Variants in CLIC2 observed in about 807,000 individuals in gnomAD.
CLIC2 encodes CLIC family member 2.
CLIC2 carries 9 observed loss-of-function variants against 14.8 expected under a neutral mutation model. That is an observed-to-expected ratio of 0.61 (90% CI 0.37 to 1.06). The LOEUF (loss-of-function observed/expected upper bound fraction) is 1.06. Ranked by LOEUF, CLIC2 falls within the 50% of genes least tolerant of loss-of-function variation. The probability of loss-of-function intolerance (pLI) is 0.01; values close to 1 mark genes in which losing one functional copy is unlikely to be tolerated. For missense variants in CLIC2, 148 were observed against 181.4 expected, an observed-to-expected ratio of 0.82 and a Z score of 1.06; for synonymous variants, 61 against 66.3, an observed-to-expected ratio of 0.92 and a Z score of 0.39.
At position 155,298,864 on chromosome X, in the gene CLIC2, A is replaced by G. The variant is rs1557318651; in HGVS notation, c.214T>C (p.Phe72Leu). The change falls in exon 3 of 6, where the codon TTC becomes CTC. Residue 72 changes from phenylalanine to leucine, a missense_variant. By Grantham distance (22) the Phe-to-Leu change is conservative. Coordinates refer to ENST00000369449, the MANE Select transcript of CLIC2 (RefSeq NM_001289.6). Reference protein sequence around the residue: ...KDLAPGTNPPFLVYNKELKTD... With the variant: ...KDLAPGTNPPLLVYNKELKTD... ...TTCAACTCCTTGTTATACACCAGGAACGGAGGATTGGTACCTGGGGCTAAG... is the reference window on the plus strand; with the variant it reads ...TTCAACTCCTTGTTATACACCAGGAGCGGAGGATTGGTACCTGGGGCTAAG... 1 of 1,207,858 alleles carries G rather than the reference A, an allele frequency of 8.3e-7. No homozygotes were observed. Among genetic ancestry groups the G allele is most frequent in the East Asian group, 3.0e-5 (1 of 33,836 alleles).
At chrX:155,309,568 TCA>T (rs1557320336) in intron 1 of CLIC2, 6 of 283,681 alleles carry the variant, frequency 2.1e-5, no homozygotes, top group Non-Finnish European at 2.0e-5. Context: ...TTTAATGGAC[TCA>T]CAGTTCCACG....
chrX:155,314,401 T>C (rs1292230239), intron 1 of CLIC2, among the ~76,000 whole-genome samples: 1 of 112,302 alleles, frequency 8.9e-6, no homozygotes, highest in Non-Finnish European at 1.9e-5. Flanking sequence ...ATGGGTCATA[T>C]CACAGGACTC....
In CLIC2 at chrX:155,280,990, G is replaced by GATATATATATATATATATAT. The variant is rs373277985; in HGVS notation, c.294-942_294-923dup. 5.1e-3 allele frequency among the ~76,000 whole-genome samples: 458 copies of GATATATATATATATATATAT among 89,741 alleles called. 5 individuals carry two copies. Among genetic ancestry groups the GATATATATATATATATATAT allele is most frequent in the African/African-American group, 0.016 (378 of 24,233 alleles). The allele number at this position is 89,741 out of a possible 115,157, so 77.9% of individuals were successfully genotyped here. A position where few individuals can be genotyped will look rare whatever the true frequency, so the allele number is the denominator to read the frequency against. On this transcript the variant is annotated intron_variant, in intron 3 of 5. Coordinates refer to ENST00000369449, the MANE Select transcript of CLIC2 (RefSeq NM_001289.6). ...AGATGAATGGATATAGAAATTGTGA[G>GATATATATATATATATATAT]ATATATATATATATATATATATATG...
At chrX:155,311,199 C>T (rs933139561) in intron 1 of CLIC2, among the ~76,000 whole-genome samples, 6 of 112,135 alleles carry the variant, frequency 5.4e-5, no homozygotes, top group Non-Finnish European at 9.4e-5. Context: ...TTCTATCACA[C>T]TGTCAGGCTG....
chrX:155,292,865 T>A, intron 3 of CLIC2: 1 of 1,053,511 alleles, frequency 9.5e-7, no homozygotes. Context: ...GAAGAGCTTA[T>A]TTTGACTTGC....
At position 155,277,902 on chromosome X, in the gene CLIC2, C is replaced by T. The variant is rs782331065; in HGVS notation, c.*1G>A. 8.3e-7 allele frequency: 1 copy of T among 1,203,798 alleles called. No homozygotes were observed. Among genetic ancestry groups the T allele is most frequent in the South Asian group, 1.8e-5 (1 of 56,753 alleles). ...TAGCCTTGTCTCCTGTAAGAGCTCT[C>T]CTAACTCTTCTGTTTAGCCACATTT... On this transcript the variant is annotated 3_prime_UTR_variant, in exon 6 of 6. Coordinates refer to ENST00000369449, the MANE Select transcript of CLIC2 (RefSeq NM_001289.6).
chrX:155,279,994 T>C lies in CLIC2; in HGVS notation c.368A>G (p.Tyr123Cys). 8.3e-7 allele frequency: 1 copy of C among 1,206,330 alleles called. No homozygotes were observed. The highest frequency in any genetic ancestry group is 1.1e-6 in the Non-Finnish European group (1 of 890,377). The change falls in exon 4 of 6, where the codon TAC (tyrosine) becomes TGC (cysteine). Residue 123 changes from tyrosine (Y) to cysteine (C), a missense_variant. Transcript: ENST00000369449. ...TGCCTCCTTTTGTGTATTCTTAATG[T>C]ATGCAGAAAACTTGGCAAAGAGGTT... is the stretch of plus-strand genomic sequence containing the variant. ...GCNLFAKFSA[Y>C]IKNTQKEANK...
intron 1 of CLIC2, among the ~76,000 whole-genome samples, chrX:155,327,909 C>T (rs1455993199): frequency 9.0e-6 from 1 of 111,426 alleles, no homozygotes; most frequent in Non-Finnish European, 1.9e-5. Context: ...GAACAAAAAC[C>T]TCATGATCAT....
chrX:155,291,499 C>A, intron 3 of CLIC2: 2 of 353,124 alleles, frequency 5.7e-6, no homozygotes, highest in Non-Finnish European at 1.0e-5. Context: ...TATTTAGATG[C>A]CCTTTATTTC....
chrX:155,309,568 T>C, intron 1 of CLIC2: 1 of 283,675 alleles, frequency 3.5e-6, no homozygotes, highest in Non-Finnish European at 6.7e-6. Flanking sequence ...TTTAATGGAC[T>C]CACAGTTCCA....
chrX:155,308,195 A>G (rs782585414), intron 1 of CLIC2, among the ~76,000 whole-genome samples: 3 of 110,289 alleles, frequency 2.7e-5, no homozygotes, highest in Non-Finnish European at 5.7e-5. Flanking sequence ...TATCAGGTAA[A>G]CCTAACAAAG....
chrX:155,285,616 T>A (rs1252352368), intron 3 of CLIC2, among the ~76,000 whole-genome samples: 6 of 111,077 alleles, frequency 5.4e-5, no homozygotes, highest in Non-Finnish European at 9.4e-5. Context: ...CTGTGAAAAC[T>A]CCTTAGAGCT....
intron 3 of CLIC2, chrX:155,291,397 T>A: frequency 1.8e-6 from 1 of 569,125 alleles, no homozygotes; most frequent in Non-Finnish European, 3.1e-6. Flanking sequence ...CACTAGCTCC[T>A]GGCTCCGATG....
intron 1 of CLIC2, among the ~76,000 whole-genome samples, chrX:155,329,498 C>G (rs782018624): frequency 1.9e-5 from 2 of 106,666 alleles, no homozygotes; most frequent in East Asian, 3.0e-4. Flanking sequence ...TTGCACCAAC[C>G]TAATAAAATG....
chrX:155,325,761 GATATAT>G (rs60334475), intron 1 of CLIC2, among the ~76,000 whole-genome samples: 3,761 of 32,688 alleles, frequency 0.12, 229 homozygotes, highest in African/African-American at 0.18. Context: ...AAGAAAATGT[GATATAT>G]ATATATATAT....
intron 1 of CLIC2, among the ~76,000 whole-genome samples, chrX:155,302,258 C>T (rs2075022626): frequency 9.3e-6 from 1 of 107,797 alleles, no homozygotes; most frequent in Non-Finnish European, 1.9e-5. Flanking sequence ...AATTTCAGCT[C>T]CTGTTATTGG....
chrX:155,305,567 A>G (rs1337197778), intron 1 of CLIC2, among the ~76,000 whole-genome samples: 3 of 112,307 alleles, frequency 2.7e-5, no homozygotes, highest in African/African-American at 9.7e-5. Flanking sequence ...TGTAGACCGG[A>G]GCTGTTCCTA....
In CLIC2 at chrX:155,305,249, C is replaced by T. The variant is rs181064009; in HGVS notation, c.58-6104G>A. The stretch of plus-strand genomic sequence containing the variant: ...TCAGCGAGACTCCGTGGGCGTGGGA[C>T]CCTCCGAGCCAGGTGCGGGATATGT... On this transcript the variant is annotated intron_variant, in intron 1 of 5. Transcript: ENST00000369449. 1.8e-4 allele frequency among the ~76,000 whole-genome samples: 20 copies of T among 112,317 alleles called. No individual in the cohort carries two copies. The East Asian group carries it at 5.1e-3, about 28-fold the overall frequency.
intron 1 of CLIC2, among the ~76,000 whole-genome samples, chrX:155,299,892 C>A (rs1262954386): frequency 9.1e-6 from 1 of 109,363 alleles, no homozygotes; most frequent in Non-Finnish European, 1.9e-5. Context: ...CATGTCCCTA[C>A]AAAGGACATG....
Sources: gnomAD v4.1 joint callset for allele counts (sites outside exome capture counted in the v4.1 genomes callset) on GRCh38, gnomAD v4.1.1 for gene constraint, MANE v1.5 for transcripts, NCBI Gene and HGNC (gene_info 2026-07-23, HGNC 2026-07-21) for gene names.